PRKN: variants seen among roughly 807,000 people sequenced by gnomAD.
PRKN encodes the protein parkin RBR E3 ubiquitin protein ligase.
PRKN carries 56 observed loss-of-function variants against 59.5 expected under a neutral mutation model. The ratio of observed to expected loss-of-function variants is 0.94; its 90% CI spans 0.76 to 1.18. The LOEUF (loss-of-function observed/expected upper bound fraction) is 1.18. PRKN is among the 50% of genes most tolerant of loss of function. The pLI is 0.00. For missense variants in PRKN, 657 were observed against 596.4 expected (o/e 1.10, Z -1.06); for synonymous variants, 250 against 222.1 (o/e 1.13, Z -1.12).
chr6:161,382,111 C>CAAAAAAAAAAAAAAAAAA (rs59174358), intron 10 of PRKN, among the ~76,000 whole-genome samples: 3 of 46,282 alleles, frequency 6.5e-5, no homozygotes, highest in Non-Finnish European at 9.0e-5. Context: ...GACTCCATCT[C>CAAAAAAAAAAAAAAAAAA]AAAAAAAAAA....
At chr6:162,005,066 T>C (rs1040088716) in intron 5 of PRKN, among the ~76,000 whole-genome samples, 1 of 152,212 alleles carries the variant, frequency 6.6e-6, no homozygotes, top group African/African-American at 2.4e-5. Flanking sequence ...CTCAGAGTAA[T>C]AGCTTTTGAA....
At chr6:161,934,973 GT>G (rs1779300106) in intron 6 of PRKN, among the ~76,000 whole-genome samples, 1 of 152,098 alleles carries the variant, frequency 6.6e-6, no homozygotes. Flanking sequence ...TCTGTCTAAT[GT>G]GTTATTTTAA....
At chr6:162,240,584 AG>A (rs1778943966) in intron 3 of PRKN, among the ~76,000 whole-genome samples, 1 of 152,230 alleles carries the variant, frequency 6.6e-6, no homozygotes, top group East Asian at 1.9e-4. Context: ...TATTAATTGT[AG>A]GAAGTAACAA....
intron 1 of PRKN, among the ~76,000 whole-genome samples, chr6:162,519,785 G>C (rs185739006): frequency 3.3e-4 from 50 of 152,226 alleles, no homozygotes; most frequent in African/African-American, 1.0e-3. Flanking sequence ...CCTTGGGTAA[G>C]AAGAAGAGAT....
chr6:162,718,712 CA>C (rs925703015), intron 1 of PRKN, among the ~76,000 whole-genome samples: 155 of 138,782 alleles, frequency 1.1e-3, no homozygotes, highest in African/African-American at 1.7e-3. Flanking sequence ...GACTCCGTCT[CA>C]AAAAAAAAAA....
intron 2 of PRKN, among the ~76,000 whole-genome samples, chr6:162,373,271 T>C (rs1785869596): frequency 6.6e-6 from 1 of 152,226 alleles, no homozygotes; most frequent in African/African-American, 2.4e-5. Flanking sequence ...AATTTGGCTA[T>C]GTAAAGGTGA....
chr6:161,765,825 T>A (rs1326664682), intron 7 of PRKN, among the ~76,000 whole-genome samples: 1 of 152,218 alleles, frequency 6.6e-6, no homozygotes, highest in Non-Finnish European at 1.5e-5. Flanking sequence ...CCAAGATCAC[T>A]GATTTTGTTG....
intron 7 of PRKN, among the ~76,000 whole-genome samples, chr6:161,729,819 A>C (rs964291976): frequency 2.0e-5 from 3 of 151,880 alleles, no homozygotes; most frequent in African/African-American, 7.3e-5. Flanking sequence ...TATGTTGCAT[A>C]TTCTGACATG....
intron 10 of PRKN, among the ~76,000 whole-genome samples, chr6:161,364,638 G>A (rs1246559434): frequency 1.3e-5 from 2 of 151,828 alleles, no homozygotes; most frequent in Non-Finnish European, 2.9e-5. Context: ...TGCTTAATTT[G>A]CTGGTTAAAA....
chr6:161,705,792 T>G (rs1405818527), intron 7 of PRKN, among the ~76,000 whole-genome samples: 2 of 152,200 alleles, frequency 1.3e-5, no homozygotes, highest in Non-Finnish European at 1.5e-5. Context: ...CTTGCTTCTT[T>G]GTCCATTCTC....
intron 5 of PRKN, among the ~76,000 whole-genome samples, chr6:161,989,478 G>A (rs1162726106): frequency 6.6e-6 from 1 of 152,132 alleles, no homozygotes; most frequent in Non-Finnish European, 1.5e-5. Flanking sequence ...CCTGTCAACA[G>A]GTCTGCCCTG....
chr6:162,058,568 C>T (rs1291858586), intron 4 of PRKN, among the ~76,000 whole-genome samples: 2 of 152,188 alleles, frequency 1.3e-5, no homozygotes, highest in East Asian at 3.9e-4. Flanking sequence ...CTAAATGGGA[C>T]AACATTGCTT....
chr6:162,452,535 C>G (rs1790676195), intron 1 of PRKN, among the ~76,000 whole-genome samples: 1 of 151,806 alleles, frequency 6.6e-6, no homozygotes, highest in South Asian at 2.1e-4. Context: ...AATGAAGAAA[C>G]TAAGAAGTTA....
At chr6:162,141,003 G>A (rs1197186084) in intron 4 of PRKN, among the ~76,000 whole-genome samples, 1 of 151,884 alleles carries the variant, frequency 6.6e-6, no homozygotes, top group African/African-American at 2.4e-5. Context: ...TGTGGCGGGC[G>A]CTTATAGTCC....
intron 1 of PRKN, among the ~76,000 whole-genome samples, chr6:162,551,855 T>C (rs913385541): frequency 2.0e-5 from 3 of 152,218 alleles, no homozygotes; most frequent in African/African-American, 7.2e-5. Context: ...ATCCCTACTA[T>C]GTGCTCAGCA....
At chr6:162,682,988 CACTAAAAATTCAAACAGTAGTTT>C (rs1779828848) in intron 1 of PRKN, among the ~76,000 whole-genome samples, 1 of 152,096 alleles carries the variant, frequency 6.6e-6, no homozygotes, top group Non-Finnish European at 1.5e-5. Flanking sequence ...TATTCAGTAT[CACTAAAAATTCAAACAGTAGTTT>C]TATTGGAGCA....
At chr6:161,624,884 A>G (rs2128152178) in intron 7 of PRKN, among the ~76,000 whole-genome samples, 1 of 152,364 alleles carries the variant, frequency 6.6e-6, no homozygotes, top group South Asian at 2.1e-4. Context: ...GGAAGATACG[A>G]TAGTTGAATT....
chr6:161,882,289 G>A (rs999892498), intron 6 of PRKN, among the ~76,000 whole-genome samples: 4 of 152,140 alleles, frequency 2.6e-5, no homozygotes, highest in African/African-American at 9.6e-5. Context: ...AAAGGGCATC[G>A]TTTCTGATGT....
intron 6 of PRKN, among the ~76,000 whole-genome samples, chr6:161,931,877 T>C (rs1230430291): frequency 6.6e-6 from 1 of 152,194 alleles, no homozygotes; most frequent in Non-Finnish European, 1.5e-5. Context: ...AAAACTGTGA[T>C]TTCAAGAGAA....
Sources: allele counts gnomAD v4.1 joint callset (sites outside exome capture counted in the v4.1 genomes callset), GRCh38; gene constraint gnomAD v4.1.1; transcripts MANE v1.5; gene names NCBI Gene and HGNC (gene_info 2026-07-23, HGNC 2026-07-21).